The following STX8 variants were observed in gnomAD, a reference collection of about 807,000 sequenced individuals.
STX8 encodes the protein syntaxin-8.
Under a neutral mutation model 37.5 loss-of-function variants are expected in STX8, and 23 were observed. The ratio of observed to expected loss-of-function variants is 0.61; its 90% CI spans 0.44 to 0.87. STX8 has a LOEUF of 0.87. STX8 is among the 40% of genes least tolerant of loss of function. STX8 has a pLI of 0.00. For synonymous variants in STX8, 115 were observed against 99.1 expected (o/e 1.16, Z -0.95); for missense variants, 313 against 284.7 (o/e 1.10, Z -0.71).
intron 5 of STX8, among the ~76,000 whole-genome samples, chr17:9,499,523 C>T (rs1014135598): frequency 4.6e-5 from 7 of 152,122 alleles, no homozygotes; most frequent in Non-Finnish European, 2.9e-5. Context: ...CTCAGCCTCC[C>T]GAGTAGCTGG....
intron 6 of STX8, among the ~76,000 whole-genome samples, chr17:9,420,430 C>A (rs1165641470): frequency 1.3e-5 from 2 of 152,150 alleles, no homozygotes; most frequent in Non-Finnish European, 2.9e-5. Flanking sequence ...CTATCAGTTC[C>A]ATTCTAAATG....
intron 1 of STX8, among the ~76,000 whole-genome samples, chr17:9,568,769 G>T (rs141293404): frequency 6.6e-6 from 1 of 152,196 alleles, no homozygotes; most frequent in East Asian, 1.9e-4. Flanking sequence ...AAAGTGCTGG[G>T]ATTACAGGCG....
intron 6 of STX8, among the ~76,000 whole-genome samples, chr17:9,418,095 C>T (rs1913263446): frequency 6.6e-6 from 1 of 152,124 alleles, no homozygotes; most frequent in Admixed American, 6.6e-5. Context: ...AACTGGAGAC[C>T]CAGTGCTTGC....
At chr17:9,352,299 A>T (rs1378375078) in intron 7 of STX8, among the ~76,000 whole-genome samples, 1 of 152,026 alleles carries the variant, frequency 6.6e-6, no homozygotes, top group East Asian at 1.9e-4. Context: ...TGATACTTTC[A>T]GACTGTGGTT....
chr17:9,327,519 A>T (rs1909818734), intron 7 of STX8, among the ~76,000 whole-genome samples: 1 of 152,098 alleles, frequency 6.6e-6, no homozygotes, highest in Non-Finnish European at 1.5e-5. Flanking sequence ...GGTATGATCT[A>T]ATGTTGATGG....
At chr17:9,520,819 T>C (rs1905313974) in intron 4 of STX8, among the ~76,000 whole-genome samples, 1 of 152,238 alleles carries the variant, frequency 6.6e-6, no homozygotes. Flanking sequence ...GAAGTAGCTT[T>C]CTTTAGCCTT....
intron 6 of STX8, among the ~76,000 whole-genome samples, chr17:9,382,848 G>A (rs1911869058): frequency 6.6e-6 from 1 of 152,122 alleles, no homozygotes; most frequent in African/African-American, 2.4e-5. Flanking sequence ...ACAAGAGAAA[G>A]CAGAAAGCAG....
intron 7 of STX8, among the ~76,000 whole-genome samples, chr17:9,340,558 T>G (rs1165880627): frequency 6.6e-6 from 1 of 151,874 alleles, no homozygotes; most frequent in Non-Finnish European, 1.5e-5. Context: ...TTCCAGAAAA[T>G]CTACTCTTAT....
intron 6 of STX8, among the ~76,000 whole-genome samples, chr17:9,385,762 C>T (rs1478115450): frequency 6.6e-6 from 1 of 152,092 alleles, no homozygotes; most frequent in Non-Finnish European, 1.5e-5. Context: ...AACTTTACTC[C>T]TAGGTTTTTT....
At chr17:9,474,433 C>T (rs539449035) in intron 6 of STX8, among the ~76,000 whole-genome samples, 8 of 152,138 alleles carry the variant, frequency 5.3e-5, no homozygotes, top group South Asian at 4.1e-4. Flanking sequence ...AGTGCAATGG[C>T]GCAATCTTGG....
At chr17:9,287,174 A>G (rs1287927604) in intron 7 of STX8, among the ~76,000 whole-genome samples, 1 of 152,226 alleles carries the variant, frequency 6.6e-6, no homozygotes, top group East Asian at 1.9e-4. Context: ...TGGAAAGCAG[A>G]TGGATAAGTC....
chr17:9,535,272 G>C (rs934844512), intron 4 of STX8, among the ~76,000 whole-genome samples: 11 of 151,798 alleles, frequency 7.2e-5, no homozygotes, highest in African/African-American at 2.7e-4. Context: ...GGATACAAAA[G>C]TTTAACAACT....
chr17:9,341,528 CT>C (rs1910358420), intron 7 of STX8, among the ~76,000 whole-genome samples: 1 of 152,224 alleles, frequency 6.6e-6, no homozygotes, highest in South Asian at 2.1e-4. Flanking sequence ...CCTCTGTCTC[CT>C]GGGTTCAAGC....
intron 4 of STX8, among the ~76,000 whole-genome samples, chr17:9,543,111 A>C (rs1464900326): frequency 6.6e-6 from 1 of 152,124 alleles, no homozygotes; most frequent in Non-Finnish European, 1.5e-5. Flanking sequence ...ATGACTATTC[A>C]TCACGACTGC....
intron 5 of STX8, among the ~76,000 whole-genome samples, chr17:9,504,831 G>A (rs1270534304): frequency 6.6e-5 from 10 of 151,714 alleles, no homozygotes; most frequent in South Asian, 4.2e-4. Context: ...AAAATTAGCC[G>A]GGCATGGTGG....
chr17:9,262,842 AG>A (rs1907093887), intron 7 of STX8, among the ~76,000 whole-genome samples: 1 of 152,162 alleles, frequency 6.6e-6, no homozygotes, highest in African/African-American at 2.4e-5. Context: ...CCAAAGTGGT[AG>A]GATACAGGCA....
At chr17:9,282,528 A>G (rs1907924052) in intron 7 of STX8, among the ~76,000 whole-genome samples, 1 of 152,236 alleles carries the variant, frequency 6.6e-6, no homozygotes, top group Admixed American at 6.5e-5. Context: ...ATTTGAAAGT[A>G]TGGTAAGACA....
chr17:9,387,862 T>G (rs1239593362), intron 6 of STX8, among the ~76,000 whole-genome samples: 1 of 152,204 alleles, frequency 6.6e-6, no homozygotes, highest in Non-Finnish European at 1.5e-5. Flanking sequence ...ATATGTTAAC[T>G]GGGTTTCTAG....
In STX8 at chr17:9,438,700, A is replaced by G. The variant is rs1355159817; in HGVS notation, c.541+53129T>C. Among the ~76,000 whole-genome samples the G allele has an allele frequency of 8.1e-4, 123 of 152,092 alleles. 3 individuals carry two copies. The highest frequency in any genetic ancestry group is 2.7e-3 in the African/African-American group (113 of 41,462). On this transcript the variant is annotated intron_variant, in intron 6 of 7. Coordinates refer to ENST00000306357, the MANE Select transcript of STX8 (RefSeq NM_004853.3). ...TCCCAGCACTTTGGGAGGCCGAGGC[A>G]GGTGGATCACAAGGTCAGGAGATCG... is the stretch of plus-strand genomic sequence containing the variant.
Sources: gnomAD v4.1 joint callset for allele counts (sites outside exome capture counted in the v4.1 genomes callset) on GRCh38, gnomAD v4.1.1 for gene constraint, MANE v1.5 for transcripts, NCBI Gene and HGNC (gene_info 2026-07-23, HGNC 2026-07-21) for gene names.